ZNF462: variants seen among roughly 807,000 people sequenced by gnomAD.
The protein encoded by ZNF462 is zinc finger PBX1-interacting protein.
In ZNF462, 10 loss-of-function variants were observed where a neutral mutation model predicts 201.9. That is an observed-to-expected ratio of 0.05 (90% CI 0.03 to 0.08). The LOEUF is 0.08. Among genes scored for constraint, ZNF462 ranks in the 10% least tolerant of loss-of-function variants. ZNF462 has a pLI of 1.00. For missense variants in ZNF462, 2,523 were observed against 3,168.3 expected (o/e 0.80, Z 4.89); for synonymous variants, 1,227 against 1,193.3 (o/e 1.03, Z -0.58).
intron 7 of ZNF462, among the ~76,000 whole-genome samples, chr9:106,949,023 A>G (rs1424724208): frequency 2.0e-5 from 3 of 152,198 alleles, no homozygotes; most frequent in Non-Finnish European, 4.4e-5. Flanking sequence ...GAGACTTAAT[A>G]CATTTACAGT....
chr9:106,923,421 C>G lies in ZNF462; in HGVS notation c.38C>G (p.Ala13Gly). ...VLQCDGCDFR[A>G]PSYEDLKAHI... ...CAGTGTGATGGCTGTGATTTCCGAGCCCCGTCTTATGAAGATCTCAAGGCA... is the reference window on the plus strand; with the variant it reads ...CAGTGTGATGGCTGTGATTTCCGAGGCCCGTCTTATGAAGATCTCAAGGCA... Residue 13 changes from alanine (A) to glycine (G), a missense_variant, in exon 2 of 13, where the codon GCC (alanine) becomes GGC (glycine). Around this residue, in one of 15 missense-constraint regions of ZNF462, gnomAD observed 480 missense variants for 544.4 expected, o/e 0.88. Coordinates refer to ENST00000277225, the MANE Select transcript of ZNF462 (RefSeq NM_021224.6). This position sits in a 1 kb window ranked among gnomAD's most constrained non-coding sequence, Gnocchi z 5.6. The G allele has an allele frequency of 6.2e-7, 1 of 1,614,172 alleles. No homozygotes were observed.
At position 106,926,908 on chromosome 9, in the gene ZNF462, G is replaced by A; in HGVS notation, c.2996G>A (p.Gly999Asp). The change falls in exon 3 of 13, where the codon GGT (glycine) becomes GAT (aspartate). Residue 999 changes from glycine to aspartate, a missense_variant. This residue lies in a region of ZNF462 where 280 missense variants were observed against 321.3 expected (regional missense o/e 0.87). Coordinates refer to ENST00000277225, the MANE Select transcript of ZNF462 (RefSeq NM_021224.6). This position sits in a 1 kb window ranked among gnomAD's most constrained non-coding sequence, Gnocchi z 7.9. The part of the protein sequence containing the change: ...ATSTPVARGG[G>D]LPATFNKNTP... ...TCCACACCTGTGGCTCGTGGTGGTG[G>A]TTTGCCAGCTACGTTCAACAAAAAC... 1 of 1,614,170 alleles carries A rather than the reference G, an allele frequency of 6.2e-7. No individual in the cohort carries two copies. Among genetic ancestry groups the A allele is most frequent in the Non-Finnish European group, 8.5e-7 (1 of 1,180,040 alleles).
intron 1 of ZNF462, among the ~76,000 whole-genome samples, chr9:106,911,604 T>C (rs1241019744): frequency 6.6e-6 from 1 of 152,222 alleles, no homozygotes; most frequent in Non-Finnish European, 1.5e-5. Context: ...GATTAGACTT[T>C]GAGAACCACT....
rs1343483216 is a variant in ZNF462, at chr9:106,968,470, A to G, written c.6428-3535A>G. ...AATTATACATTATAATTTCATTTCT[A>G]AAACTTCACATATAATTAAAGTCAC... On this transcript the variant is annotated intron_variant, in intron 7 of 12. Coordinates refer to ENST00000277225, the MANE Select transcript of ZNF462 (RefSeq NM_021224.6). This position sits in a 1 kb window ranked among gnomAD's most constrained non-coding sequence, Gnocchi z 4.0. 1.3e-5 allele frequency among the ~76,000 whole-genome samples: 2 copies of G among 152,216 alleles called. No individual in the cohort carries two copies. Among genetic ancestry groups the G allele is most frequent in the East Asian group, 3.8e-4 (2 of 5,198 alleles).
At chr9:106,997,966 GTT>G in intron 10 of ZNF462, among the ~76,000 whole-genome samples, 1 of 144,436 alleles carries the variant, frequency 6.9e-6, no homozygotes, top group African/African-American at 2.9e-5. Flanking sequence ...TTGACTTATT[GTT>G]TATGGGTTGC....
intron 7 of ZNF462, among the ~76,000 whole-genome samples, chr9:106,949,869 T>C: frequency 6.6e-6 from 1 of 152,144 alleles, no homozygotes; most frequent in East Asian, 1.9e-4. Flanking sequence ...GGGAAATTTG[T>C]CTCCTTCCTG....
At position 106,920,382 on chromosome 9, in the gene ZNF462, T is replaced by C. The variant is rs950655703; in HGVS notation, c.-30-2972T>C. 6.6e-6 allele frequency among the ~76,000 whole-genome samples: 1 copy of C among 152,234 alleles called. No individual in the cohort carries two copies. The highest frequency in any genetic ancestry group is 2.4e-5 in the African/African-American group (1 of 41,450). On this transcript the variant is annotated intron_variant, in intron 1 of 12. Coordinates refer to ENST00000277225, the MANE Select transcript of ZNF462 (RefSeq NM_021224.6). The surrounding 1 kb of genome is among the most constrained non-coding windows in gnomAD (Gnocchi z 4.3). ...TCTATTTTCTTCTTCTGTCAGCGTC[T>C]TCAGGAGAAATGTGTACACAAAAGC...
chr9:106,969,432 GC>G (rs1383778759), intron 7 of ZNF462, among the ~76,000 whole-genome samples: 2 of 152,136 alleles, frequency 1.3e-5, no homozygotes, highest in African/African-American at 4.8e-5. Flanking sequence ...TATGCAATAG[GC>G]CCTAGAGACA....
rs1259229003 is a variant in ZNF462, at chr9:106,886,549, GA to G, written c.-31+23196del. Among the ~76,000 whole-genome samples, 5 of 152,104 alleles carry G rather than the reference GA, an allele frequency of 3.3e-5. No individual in the cohort carries two copies. Among genetic ancestry groups the G allele is most frequent in the Non-Finnish European group, 7.4e-5 (5 of 68,022 alleles). ...AACAATGTCAGCTACAAAAAAAATA[GA>G]AGAGATAGGGTCTGAAAAGGAAGGA... On this transcript the variant is annotated intron_variant, in intron 1 of 12. Coordinates refer to ENST00000277225, the MANE Select transcript of ZNF462 (RefSeq NM_021224.6). The surrounding 1 kb of genome is among the most constrained non-coding windows in gnomAD (Gnocchi z 4.6).
At position 106,927,182 on chromosome 9, in the gene ZNF462, T is replaced by C; in HGVS notation, c.3270T>C (p.Ser1090=). 1 of 1,613,634 alleles carries C rather than the reference T, an allele frequency of 6.2e-7. No homozygotes were observed. Among genetic ancestry groups the C allele is most frequent in the Non-Finnish European group, 8.5e-7 (1 of 1,179,948 alleles). The change falls in exon 3 of 13, where the codon TCT becomes TCC. Residue 1090 remains serine (S), a synonymous_variant. Transcript: ENST00000277225. ...QLSFEVGAPM[S]PKMSNMGSPP... is the part of the protein sequence containing the mutation. ...CATTTGAGGTGGGTGCTCCAATGTC[T>C]CCCAAAATGTCCAACATGGGTTCCC... is the stretch of plus-strand genomic sequence containing the variant.
Position 106,919,837 on chromosome 9 carries a change from A to G in ZNF462, c.-30-3517A>G, listed in dbSNP as rs1227663391. ...AGGTCTATTTGACCTTGAAGGGCCT[A>G]GACATATATCTGGGGTAGAAGACAG... On this transcript the variant is annotated intron_variant, in intron 1 of 12. Coordinates refer to ENST00000277225, the MANE Select transcript of ZNF462 (RefSeq NM_021224.6). The surrounding 1 kb of genome is among the most constrained non-coding windows in gnomAD (Gnocchi z 4.5). Among the ~76,000 whole-genome samples the G allele has an allele frequency of 6.6e-6, 1 of 152,226 alleles. No individual in the cohort carries two copies. The highest frequency in any genetic ancestry group is 1.5e-5 in the Non-Finnish European group (1 of 68,034).
At position 106,917,946 on chromosome 9, in the gene ZNF462, G is replaced by A. The variant is rs1027161961; in HGVS notation, c.-30-5408G>A. On this transcript the variant is annotated intron_variant, in intron 1 of 12. Transcript: ENST00000277225. This position sits in a 1 kb window ranked among gnomAD's most constrained non-coding sequence, Gnocchi z 4.5. ...GGCTGGAGTGCAGTGGCGCGATCTC[G>A]GCTCACTGCAACCTTCTTCTCCCGG... Among the ~76,000 whole-genome samples the A allele has an allele frequency of 1.3e-4, 20 of 151,090 alleles. No homozygotes were observed. Among genetic ancestry groups the A allele is most frequent in the African/African-American group, 3.7e-4 (15 of 41,070 alleles).
chr9:106,971,820 C>G (rs1260118450), intron 7 of ZNF462, among the ~76,000 whole-genome samples, 185 bp from the exon 8 acceptor site: 1 of 152,116 alleles, frequency 6.6e-6, no homozygotes, highest in Non-Finnish European at 1.5e-5. Context: ...TTGTGGTCAT[C>G]ATTTCACAAC....
intron 7 of ZNF462, among the ~76,000 whole-genome samples, chr9:106,941,987 TAGAG>T (rs1282271952): frequency 6.6e-6 from 1 of 152,182 alleles, no homozygotes; most frequent in Non-Finnish European, 1.5e-5. Flanking sequence ...CACATTTTAA[TAGAG>T]AGAAGCTGTG....
rs1178788523 is a variant in ZNF462, at chr9:106,886,613, A to G, written c.-31+23258A>G. Among the ~76,000 whole-genome samples, 1 of 152,152 alleles carries G rather than the reference A, an allele frequency of 6.6e-6. No homozygotes were observed. Among genetic ancestry groups the G allele is most frequent in the Non-Finnish European group, 1.5e-5 (1 of 68,020 alleles). On this transcript the variant is annotated intron_variant, in intron 1 of 12. Coordinates refer to ENST00000277225, the MANE Select transcript of ZNF462 (RefSeq NM_021224.6). This position sits in a 1 kb window ranked among gnomAD's most constrained non-coding sequence, Gnocchi z 4.6. ...CGCAGTCAATGTGAAGAAACTGGTT[A>G]TATGGACCTAGGAAATCATCCCACT...
rs770045182 is a variant in ZNF462, at chr9:106,950,856, A to C, written c.6427+11749A>C. ...TGTAATCTCAGCACTTTGGGAGGCC[A>C]AGGCAGGCGGATTGCCTGAAGTCAG... On this transcript the variant is annotated intron_variant, in intron 7 of 12. Transcript: ENST00000277225. This position sits in a 1 kb window ranked among gnomAD's most constrained non-coding sequence, Gnocchi z 4.1. Among the ~76,000 whole-genome samples, 27 of 152,228 alleles carry C rather than the reference A, an allele frequency of 1.8e-4. No homozygotes were observed. The highest frequency in any genetic ancestry group is 1.0e-3 in the Admixed American group (16 of 15,286).
intron 9 of ZNF462, among the ~76,000 whole-genome samples, chr9:106,979,729 G>A (rs956090638): frequency 6.6e-6 from 1 of 152,260 alleles, no homozygotes; most frequent in Middle Eastern, 3.4e-3. Context: ...ATCACCATTG[G>A]AAGCACAATG....
chr9:106,961,469 G>A (rs1297165931), intron 7 of ZNF462, among the ~76,000 whole-genome samples: 2 of 152,026 alleles, frequency 1.3e-5, no homozygotes, highest in East Asian at 3.9e-4. Context: ...AGAGAGAGTA[G>A]CATTTGGTCA....
In ZNF462 at chr9:106,924,787, G is replaced by A. The variant is rs757668050; in HGVS notation, c.875G>A (p.Ser292Asn). The change falls in exon 3 of 13, where the codon AGT (serine) becomes AAT (asparagine). Residue 292 changes from serine to asparagine, a missense_variant. Transcript: ENST00000277225. This position sits in a 1 kb window ranked among gnomAD's most constrained non-coding sequence, Gnocchi z 6.2. The part of the protein sequence containing the change: ...GTNLPDVPNK[S>N]APSPTSNSTY... Reference sequence around the variant, plus strand: ...AATCTACCTGATGTGCCGAACAAGAGTGCCCCCAGCCCCACTTCCAACTCC... The same window carrying A: ...AATCTACCTGATGTGCCGAACAAGAATGCCCCCAGCCCCACTTCCAACTCC... The A allele has an allele frequency of 5.6e-6, 9 of 1,614,160 alleles. No individual in the cohort carries two copies. The highest frequency in any genetic ancestry group is 3.3e-5 in the Admixed American group (2 of 60,014).
Sources: allele counts gnomAD v4.1 joint callset (sites outside exome capture counted in the v4.1 genomes callset), GRCh38; gene constraint gnomAD v4.1.1; regional missense constraint gnomAD v4.1.1; non-coding constraint Gnocchi (gnomAD v3.1); transcripts MANE v1.5; gene names NCBI Gene and HGNC (gene_info 2026-07-23, HGNC 2026-07-21).